Variants in TRRAP observed in about 807,000 individuals in gnomAD.
TRRAP encodes the protein transformation/transcription domain associated protein, also known as transformation/transcription domain-associated protein.
Under a neutral mutation model 438.8 loss-of-function variants are expected in TRRAP, and 41 were observed. That is an observed-to-expected ratio of 0.09 (90% CI 0.07 to 0.12). The LOEUF (loss-of-function observed/expected upper bound fraction) is 0.12, where lower values mean the gene tolerates loss of function less well. Ranked by LOEUF, TRRAP falls within the 10% of genes least tolerant of loss-of-function variation. The pLI is 1.00. For missense variants in TRRAP, 3,122 were observed against 5,055.1 expected, an observed-to-expected ratio of 0.62 and a Z score of 11.60; for synonymous variants, 1,994 against 1,962.9, an observed-to-expected ratio of 1.02 and a Z score of -0.42.
intron 62 of TRRAP, 75 bp downstream of exon 62, chr7:98,985,119 A>T (rs556828658): frequency 1.8e-6 from 2 of 1,100,554 alleles, no homozygotes; most frequent in Non-Finnish European, 2.7e-6. Context: ...CCTGAAGCCA[A>T]TGTGAAGCTC....
chr7:98,911,774 C>CAAA (rs113146131), intron 17 of TRRAP, among the ~76,000 whole-genome samples: 2 of 91,376 alleles, frequency 2.2e-5, no homozygotes, highest in African/African-American at 6.3e-5. Context: ...CTCAAAATCT[C>CAAA]AAAAAAAAAA....
At chr7:98,975,599 C>G (rs942267895) in intron 53 of TRRAP, among the ~76,000 whole-genome samples, 11 of 152,358 alleles carry the variant, frequency 7.2e-5, no homozygotes, top group Middle Eastern at 6.8e-3. Context: ...TCCAGGCGTT[C>G]CGTTCCAGTC....
intron 67 of TRRAP, among the ~76,000 whole-genome samples, chr7:99,002,188 G>A (rs962483734): frequency 6.6e-6 from 1 of 152,164 alleles, no homozygotes; most frequent in Non-Finnish European, 1.5e-5. Flanking sequence ...CCGTGCTGAT[G>A]GTGCAGCTCA....
chr7:98,880,278 TTC>T (rs2116215732), intron 1 of TRRAP, among the ~76,000 whole-genome samples: 1 of 150,684 alleles, frequency 6.6e-6, no homozygotes, highest in African/African-American at 2.4e-5. Context: ...TTTTTTTTTT[TTC>T]CGAGACTGAA....
chr7:98,897,952 A>G, intron 8 of TRRAP, 86 bp downstream of exon 8: 1 of 1,581,692 alleles, frequency 6.3e-7, no homozygotes, highest in Non-Finnish European at 8.6e-7. Flanking sequence ...TCTCTTAAAT[A>G]CTTGGAGGCA....
At chr7:98,880,310 A>T (rs1306763066) in intron 1 of TRRAP, among the ~76,000 whole-genome samples, 14 of 134,544 alleles carry the variant, frequency 1.0e-4, no homozygotes, top group Admixed American at 1.7e-4. Flanking sequence ...ATTGCCCAGG[A>T]TGGAGTGCAG....
chr7:98,880,877 G>A (rs1273585846), intron 1 of TRRAP, among the ~76,000 whole-genome samples: 1 of 152,056 alleles, frequency 6.6e-6, no homozygotes, highest in Non-Finnish European at 1.5e-5. Context: ...ACCGTAGGAA[G>A]GAACAGTATC....
In TRRAP at chr7:98,994,981, C is replaced by A; in HGVS notation, c.10309+133C>A. On this transcript the variant is annotated intron_variant, in intron 67 of 72. Coordinates refer to ENST00000456197, the MANE Select transcript of TRRAP (RefSeq NM_001375524.1). The surrounding 1 kb of genome is among the most constrained non-coding windows in gnomAD (Gnocchi z 4.8). Reference sequence around the variant, plus strand: ...GGGCACACTGGTTACACTCTGTTTACAGTGCAGACTTCAGAGTGCATAGCT... The same window carrying A: ...GGGCACACTGGTTACACTCTGTTTAAAGTGCAGACTTCAGAGTGCATAGCT... 1.5e-6 allele frequency: 2 copies of A among 1,319,998 alleles called. No homozygotes were observed. The highest frequency in any genetic ancestry group is 2.1e-6 in the Non-Finnish European group (2 of 970,006). 81.8% of individuals were successfully genotyped at this position (1,319,998 alleles called of 1,614,324 possible). A position where few individuals can be genotyped will look rare whatever the true frequency, so the allele number is the denominator to read the frequency against.
At chr7:98,955,020 CTT>C in intron 40 of TRRAP, 76 bp from the exon 41 acceptor site, 1 of 1,456,100 alleles carries the variant, frequency 6.9e-7, no homozygotes, top group Middle Eastern at 1.8e-4. Context: ...AGTAGCATGT[CTT>C]GACACCAAGG....
At chr7:98,949,867 C>T (rs548530279) in intron 37 of TRRAP, 26 bp downstream of exon 37, 25 of 1,602,928 alleles carry the variant, frequency 1.6e-5, no homozygotes, top group East Asian at 8.9e-5. Context: ...CGCCCTGCCC[C>T]GCGGGACTGG....
In TRRAP at chr7:98,976,439, C is replaced by T. The variant is rs777595263; in HGVS notation, c.7960-44C>T. On this transcript the variant is annotated intron_variant, in intron 54 of 72. Coordinates refer to ENST00000456197, the MANE Select transcript of TRRAP (RefSeq NM_001375524.1). This position sits in a 1 kb window ranked among gnomAD's most constrained non-coding sequence, Gnocchi z 4.6. ...CATCGAGAGAGACAGCAAGACTTGC[C>T]GATTTTTGAATGAAGGCCTAAATGA... 8.2e-6 allele frequency: 13 copies of T among 1,586,524 alleles called. No homozygotes were observed. Among genetic ancestry groups the T allele is most frequent in the South Asian group, 2.2e-5 (2 of 89,358 alleles).
rs79072281 is a variant in TRRAP at position 98,938,918 on chromosome 7, C to G, written c.4404+1098C>G. On this transcript the variant is annotated intron_variant, in intron 30 of 72. Coordinates refer to ENST00000456197, the MANE Select transcript of TRRAP (RefSeq NM_001375524.1). Reference sequence around the variant, plus strand: ...ACTCCTACAAAATAGATAAGTGTGCCTTCTTTCATACAGTCTTGGGTGAGA... The same window carrying G: ...ACTCCTACAAAATAGATAAGTGTGCGTTCTTTCATACAGTCTTGGGTGAGA... Among the ~76,000 whole-genome samples, 702 of 152,264 alleles carry G rather than the reference C, an allele frequency of 4.6e-3. 4 individuals carry two copies. Among genetic ancestry groups the G allele is most frequent in the Non-Finnish European group, 7.2e-3 (492 of 68,020 alleles).
At chr7:98,904,563 C>T (rs1203427352) in intron 12 of TRRAP, among the ~76,000 whole-genome samples, 3 of 151,952 alleles carry the variant, frequency 2.0e-5, no homozygotes, top group Admixed American at 1.3e-4. Context: ...AAGCTAGCCC[C>T]TTCTGAAGGC....
intron 5 of TRRAP, 24 bp downstream of exon 5, chr7:98,892,552 G>T (rs1554405101): frequency 6.5e-7 from 1 of 1,549,518 alleles, no homozygotes; most frequent in Admixed American, 1.8e-5. Flanking sequence ...ATTAATTCTT[G>T]TCGTATAGCC....
Position 98,910,069 on chromosome 7 carries a change from A to C in TRRAP, c.1364A>C (p.Lys455Thr). 6.5e-7 allele frequency: 1 copy of C among 1,537,598 alleles called. No individual in the cohort carries two copies. Among genetic ancestry groups the C allele is most frequent in the Non-Finnish European group, 8.7e-7 (1 of 1,143,082 alleles). The stretch of plus-strand genomic sequence containing the variant: ...TCTTCCCGTTAGGTTTTCGTTCTCA[A>C]ATTCCACACAATTGCTCGGTACCAG... ...LMRMLEVFVL[K>T]FHTIARYQLS... The change falls in exon 15 of 73, where the codon AAA becomes ACA. Residue 455 changes from lysine (K) to threonine (T), a missense_variant. This residue lies in a region of TRRAP where 115 missense variants were observed against 124.6 expected (regional missense o/e 0.92). Coordinates refer to ENST00000456197, the MANE Select transcript of TRRAP (RefSeq NM_001375524.1).
chr7:98,929,851 C>T (rs1197695458), intron 23 of TRRAP, 138 bp from the exon 24 acceptor site: 8 of 845,404 alleles, frequency 9.5e-6, no homozygotes, highest in Admixed American at 7.0e-5. Flanking sequence ...GCCTCGGCCT[C>T]CCAGAGTGCT....
chr7:98,934,558 T>A (rs1248572900), intron 27 of TRRAP, among the ~76,000 whole-genome samples: 2 of 152,328 alleles, frequency 1.3e-5, no homozygotes, highest in East Asian at 3.9e-4. Flanking sequence ...GGCATGAAAC[T>A]GGTTTTCCAG....
intron 10 of TRRAP, among the ~76,000 whole-genome samples, chr7:98,900,213 C>CT (rs1190908710): frequency 6.6e-6 from 1 of 152,116 alleles, no homozygotes; most frequent in African/African-American, 2.4e-5. Context: ...CCTCCTGAGA[C>CT]TGTCTTCATG....
intron 67 of TRRAP, among the ~76,000 whole-genome samples, chr7:99,001,475 A>G (rs1286024182): frequency 7.9e-5 from 12 of 152,242 alleles, no homozygotes; most frequent in Admixed American, 7.9e-4. Context: ...TAAAATGTCC[A>G]CATTATTAAA....
Sources: allele counts gnomAD v4.1 joint callset (sites outside exome capture counted in the v4.1 genomes callset), GRCh38; gene constraint gnomAD v4.1.1; regional missense constraint gnomAD v4.1.1; non-coding constraint Gnocchi (gnomAD v3.1); transcripts MANE v1.5; gene names NCBI Gene and HGNC (gene_info 2026-07-23, HGNC 2026-07-21).